PPARGC1A: variants seen among roughly 807,000 people sequenced by gnomAD.
PPARGC1A encodes the protein peroxisome proliferator-activated receptor gamma coactivator 1-alpha.
Under a neutral mutation model 88.7 loss-of-function variants are expected in PPARGC1A, and 25 were observed. The ratio of observed to expected loss-of-function variants is 0.28; its 90% CI spans 0.21 to 0.39. The LOEUF is 0.39. Ranked by LOEUF, PPARGC1A falls within the 10% of genes least tolerant of loss-of-function variation. PPARGC1A has a pLI of 1.00. For synonymous variants in PPARGC1A, 363 were observed against 355.6 expected (o/e 1.02, Z -0.24); for missense variants, 880 against 968.7 (o/e 0.91, Z 1.22).
At chr4:24,348,062 T>A in the PPARGC1A span, among the ~76,000 whole-genome samples, 1 of 152,200 alleles carries the variant, frequency 6.6e-6, no homozygotes, top group Non-Finnish European at 1.5e-5. Flanking sequence ...CTGTCATATA[T>A]GATGCTTAGT....
the PPARGC1A span, among the ~76,000 whole-genome samples, chr4:24,139,587 G>A: frequency 1.3e-5 from 2 of 152,146 alleles, no homozygotes; most frequent in Admixed American, 6.5e-5. Context: ...ATCCCATGTA[G>A]TGAGAAATCC....
At chr4:23,963,791 G>A in the PPARGC1A span, among the ~76,000 whole-genome samples, 1 of 152,146 alleles carries the variant, frequency 6.6e-6, no homozygotes, top group Non-Finnish European at 1.5e-5. Context: ...TAGATCCTGG[G>A]TGCTCCTGGA....
intron 10 of PPARGC1A, among the ~76,000 whole-genome samples, chr4:23,804,907 T>G (rs1444633669): frequency 6.6e-6 from 1 of 152,184 alleles, no homozygotes; most frequent in Non-Finnish European, 1.5e-5. Flanking sequence ...TTCCTATTAG[T>G]TGCTCTTATG....
chr4:24,388,979 A>T, the PPARGC1A span, among the ~76,000 whole-genome samples: 63 of 152,298 alleles, frequency 4.1e-4, 1 homozygote, highest in Admixed American at 1.7e-3. Context: ...AATCATTTTT[A>T]AAAAAGAAAT....
chr4:24,075,530 G>T, the PPARGC1A span, among the ~76,000 whole-genome samples: 2 of 152,090 alleles, frequency 1.3e-5, no homozygotes, highest in Non-Finnish European at 2.9e-5. Flanking sequence ...GATATGGTTT[G>T]GCTGTGTCCC....
At chr4:23,932,522 A>G in the PPARGC1A span, among the ~76,000 whole-genome samples, 1 of 152,216 alleles carries the variant, frequency 6.6e-6, no homozygotes, top group Admixed American at 6.5e-5. Context: ...AAACATTAGC[A>G]ACTAAACTAA....
the PPARGC1A span, among the ~76,000 whole-genome samples, chr4:24,288,824 G>T: frequency 6.6e-6 from 1 of 152,166 alleles, no homozygotes; most frequent in Non-Finnish European, 1.5e-5. Flanking sequence ...CCATTTGATG[G>T]ATGCCTTAGA....
At chr4:24,421,821 A>C in the PPARGC1A span, among the ~76,000 whole-genome samples, 1 of 152,196 alleles carries the variant, frequency 6.6e-6, no homozygotes, top group Admixed American at 6.5e-5. Context: ...ACATGCCTTT[A>C]TCATTTTGTT....
the PPARGC1A span, among the ~76,000 whole-genome samples, chr4:24,018,558 A>C: frequency 6.6e-6 from 1 of 152,196 alleles, no homozygotes. Flanking sequence ...GCAGAGGCAC[A>C]AGTCTCCATT....
the PPARGC1A span, among the ~76,000 whole-genome samples, chr4:24,446,144 C>G: frequency 6.6e-6 from 1 of 152,206 alleles, no homozygotes; most frequent in Non-Finnish European, 1.5e-5. Flanking sequence ...GCAGCTTTCT[C>G]TCAACAGGAC....
the PPARGC1A span, among the ~76,000 whole-genome samples, chr4:24,105,486 T>C: frequency 1.3e-5 from 2 of 152,114 alleles, no homozygotes; most frequent in African/African-American, 2.4e-5. Flanking sequence ...GTTTATGAAA[T>C]AGTCCAGTGT....
the PPARGC1A span, among the ~76,000 whole-genome samples, chr4:24,160,276 A>T: frequency 6.6e-6 from 1 of 152,230 alleles, no homozygotes; most frequent in South Asian, 2.1e-4. Context: ...AACAAAACAG[A>T]TAAAAAGCCT....
At chr4:24,163,134 G>T in the PPARGC1A span, among the ~76,000 whole-genome samples, 13 of 148,602 alleles carry the variant, frequency 8.7e-5, no homozygotes, top group South Asian at 2.2e-4. Flanking sequence ...AGGATCTGAT[G>T]ATTTGAATGC....
intron 10 of PPARGC1A, among the ~76,000 whole-genome samples, chr4:23,807,730 T>C (rs79933105): frequency 0.021 from 3,251 of 151,886 alleles, 113 homozygotes; most frequent in African/African-American, 0.074. Flanking sequence ...TTGTGTTTTT[T>C]TCTTTTGTGT....
chr4:24,205,104 C>A, the PPARGC1A span, among the ~76,000 whole-genome samples: 1 of 152,310 alleles, frequency 6.6e-6, no homozygotes, highest in Middle Eastern at 3.4e-3. Context: ...GGATTACAGG[C>A]ATGAGCCTCC....
chr4:24,193,625 C>A, the PPARGC1A span, among the ~76,000 whole-genome samples: 6 of 152,184 alleles, frequency 3.9e-5, no homozygotes, highest in African/African-American at 1.4e-4. Context: ...TGTTTCAGGG[C>A]CCAGAGTTCA....
the PPARGC1A span, among the ~76,000 whole-genome samples, chr4:24,321,812 T>C: frequency 6.6e-6 from 1 of 152,202 alleles, no homozygotes; most frequent in East Asian, 1.9e-4. Flanking sequence ...CCAATTCAAA[T>C]GAAAAGAGAC....
At chr4:23,998,109 C>T in the PPARGC1A span, among the ~76,000 whole-genome samples, 1 of 152,236 alleles carries the variant, frequency 6.6e-6, no homozygotes, top group South Asian at 2.1e-4. Flanking sequence ...CCACATGACC[C>T]CTGGCAGGTG....
the PPARGC1A span, among the ~76,000 whole-genome samples, chr4:24,168,770 A>C: frequency 3.3e-5 from 5 of 152,368 alleles, no homozygotes; most frequent in South Asian, 1.0e-3. Flanking sequence ...TTATAACTCA[A>C]AGTATAAAAT....
Sources: gnomAD v4.1 joint callset for allele counts (sites outside exome capture counted in the v4.1 genomes callset) on GRCh38, gnomAD v4.1.1 for gene constraint, MANE v1.5 for transcripts, NCBI Gene and HGNC (gene_info 2026-07-23, HGNC 2026-07-21) for gene names.